PRKG1: variants seen among roughly 807,000 people sequenced by gnomAD.
The protein encoded by PRKG1 is protein kinase cGMP-dependent 1, also known as cGMP-dependent protein kinase 1.
A neutral mutation model predicts 88.1 loss-of-function variants in PRKG1; 35 were observed. The ratio of observed to expected loss-of-function variants is 0.40; its 90% CI spans 0.30 to 0.53. PRKG1 has a LOEUF of 0.53. PRKG1 is among the 20% of genes least tolerant of loss of function. The probability of loss-of-function intolerance (pLI) is 0.59; values close to 1 mark genes in which losing one functional copy is unlikely to be tolerated. For missense variants in PRKG1, 540 were observed against 839.8 expected, an observed-to-expected ratio of 0.64 and a Z score of 4.41; for synonymous variants, 303 against 292.5, an observed-to-expected ratio of 1.04 and a Z score of -0.37.
intron 2 of PRKG1, among the ~76,000 whole-genome samples, chr10:51,284,865 C>CTTTTT (rs5784867): frequency 1.9e-5 from 1 of 51,660 alleles, no homozygotes; most frequent in Non-Finnish European, 3.6e-5. Context: ...GTTGTGGGTA[C>CTTTTT]TTTTTTTTTT....
At chr10:51,234,324 G>T (rs1838924373) in intron 2 of PRKG1, among the ~76,000 whole-genome samples, 1 of 152,094 alleles carries the variant, frequency 6.6e-6, no homozygotes, top group South Asian at 2.1e-4. Flanking sequence ...TTTCTGCTTT[G>T]TGATGAGCTA....
intron 2 of PRKG1, among the ~76,000 whole-genome samples, chr10:51,351,934 G>A (rs2132566810): frequency 6.6e-6 from 1 of 152,234 alleles, no homozygotes; most frequent in African/African-American, 2.4e-5. Flanking sequence ...GTGTAAGGAA[G>A]GGGGTCCAGT....
intron 3 of PRKG1, among the ~76,000 whole-genome samples, chr10:51,684,491 T>TA (rs1318270023): frequency 6.6e-6 from 1 of 152,054 alleles, no homozygotes; most frequent in African/African-American, 2.4e-5. Flanking sequence ...TATATGTTGA[T>TA]AAAAATGTTA....
intron 3 of PRKG1, among the ~76,000 whole-genome samples, chr10:51,745,971 A>G (rs1837566160): frequency 6.6e-6 from 1 of 152,156 alleles, no homozygotes; most frequent in Non-Finnish European, 1.5e-5. Context: ...TAGCCTCCCA[A>G]GTTGCTCGAC....
At chr10:51,229,875 C>T (rs764702092) in intron 2 of PRKG1, among the ~76,000 whole-genome samples, 10 of 135,356 alleles carry the variant, frequency 7.4e-5, no homozygotes, top group Non-Finnish European at 1.1e-4. Context: ...TGCAGTGAGC[C>T]GTGTTTGTGC....
At chr10:51,800,725 G>T (rs1235174668) in intron 3 of PRKG1, among the ~76,000 whole-genome samples, 2 of 152,048 alleles carry the variant, frequency 1.3e-5, no homozygotes, top group Non-Finnish European at 2.9e-5. Context: ...CAGAGAGGCT[G>T]GCTTCTTGCT....
intron 9 of PRKG1, among the ~76,000 whole-genome samples, chr10:52,242,672 G>A (rs1427415835): frequency 6.6e-6 from 1 of 152,114 alleles, no homozygotes; most frequent in African/African-American, 2.4e-5. Context: ...CAAGGTGGGT[G>A]GATCACTTGA....
intron 3 of PRKG1, among the ~76,000 whole-genome samples, chr10:51,469,070 A>T (rs1839980508): frequency 6.6e-6 from 1 of 151,784 alleles, no homozygotes; most frequent in Non-Finnish European, 1.5e-5. Flanking sequence ...ACTTCAAGTG[A>T]TCATTCAATT....
chr10:52,175,742 A>G (rs2132718153), intron 9 of PRKG1, among the ~76,000 whole-genome samples: 1 of 152,156 alleles, frequency 6.6e-6, no homozygotes, highest in Non-Finnish European at 1.5e-5. Flanking sequence ...TTCCCTGATG[A>G]TTGGTATGTT....
chr10:51,218,832 AAAGG>A, intron 2 of PRKG1, among the ~76,000 whole-genome samples: 2 of 152,052 alleles, frequency 1.3e-5, no homozygotes, highest in South Asian at 4.2e-4. Flanking sequence ...AATATCAAAG[AAAGG>A]AAGGAGAGAG....
At chr10:50,993,389 G>C (rs376639869) in intron 1 of PRKG1, among the ~76,000 whole-genome samples, 1 of 152,182 alleles carries the variant, frequency 6.6e-6, no homozygotes, top group African/African-American at 2.4e-5. Flanking sequence ...GTCCCTGTTG[G>C]ATGGAACAGT....
At chr10:51,005,668 G>A (rs1842933883) in intron 1 of PRKG1, among the ~76,000 whole-genome samples, 1 of 152,162 alleles carries the variant, frequency 6.6e-6, no homozygotes, top group Non-Finnish European at 1.5e-5. Flanking sequence ...CGCTTTTGAA[G>A]GCCGAGTTTA....
intron 5 of PRKG1, among the ~76,000 whole-genome samples, chr10:51,916,849 T>C (rs1842351578): frequency 6.6e-6 from 1 of 152,166 alleles, no homozygotes. Context: ...TTAAAATGGG[T>C]GAAGGACTTG....
intron 9 of PRKG1, among the ~76,000 whole-genome samples, chr10:52,188,615 A>G (rs912344929): frequency 6.6e-6 from 1 of 152,086 alleles, no homozygotes; most frequent in African/African-American, 2.4e-5. Context: ...CATTTACACT[A>G]TTCATTATAA....
intron 1 of PRKG1, among the ~76,000 whole-genome samples, chr10:51,001,468 G>A (rs1018954601): frequency 6.6e-6 from 1 of 152,094 alleles, no homozygotes; most frequent in Non-Finnish European, 1.5e-5. Context: ...CCCTTAATCT[G>A]TTCCCTTTCC....
At chr10:51,731,367 T>A (rs537575186) in intron 3 of PRKG1, among the ~76,000 whole-genome samples, 14 of 152,094 alleles carry the variant, frequency 9.2e-5, no homozygotes, top group African/African-American at 2.9e-4. Flanking sequence ...TTCTTAAATT[T>A]AAAAAAAATG....
intron 1 of PRKG1, among the ~76,000 whole-genome samples, chr10:51,040,895 T>C (rs1843412012): frequency 2.0e-5 from 3 of 152,208 alleles, no homozygotes; most frequent in African/African-American, 7.2e-5. Flanking sequence ...ATTCTTCAGG[T>C]TTTTTTCACA....
chr10:51,774,131 GA>G (rs1838375633), intron 3 of PRKG1, among the ~76,000 whole-genome samples: 1 of 151,986 alleles, frequency 6.6e-6, no homozygotes, highest in Admixed American at 6.6e-5. Flanking sequence ...TTTTGGGTAA[GA>G]AAATTAAGCA....
intron 1 of PRKG1, among the ~76,000 whole-genome samples, chr10:51,075,488 A>G (rs1435811131): frequency 6.6e-6 from 1 of 152,272 alleles, no homozygotes; most frequent in Non-Finnish European, 1.5e-5. Flanking sequence ...GAATTGGATG[A>G]CATTTACAAT....
Sources: allele counts gnomAD v4.1 joint callset (sites outside exome capture counted in the v4.1 genomes callset), GRCh38; gene constraint gnomAD v4.1.1; transcripts MANE v1.5; gene names NCBI Gene and HGNC (gene_info 2026-07-23, HGNC 2026-07-21).